The following PCDHA3 variants were observed in gnomAD, a reference collection of about 807,000 sequenced individuals.
PCDHA3 encodes protocadherin alpha 3.
In PCDHA3, 41 loss-of-function variants were observed where a neutral mutation model predicts 62.2. The ratio of observed to expected loss-of-function variants is 0.66; its 90% CI spans 0.51 to 0.86. PCDHA3 has a LOEUF of 0.86. Ranked by LOEUF, PCDHA3 falls within the 40% of genes least tolerant of loss-of-function variation. PCDHA3 has a pLI of 0.00. For synonymous variants in PCDHA3, 640 were observed against 555.4 expected, an observed-to-expected ratio of 1.15 and a Z score of -2.14; for missense variants, 1,304 against 1,241.2, an observed-to-expected ratio of 1.05 and a Z score of -0.76.
At chr5:140,917,287 G>A (rs190210744) in intron 1 of PCDHA3, among the ~76,000 whole-genome samples, 51 of 147,686 alleles carry the variant, frequency 3.5e-4, no homozygotes, top group Admixed American at 7.7e-4. Flanking sequence ...ACGCTTTTCC[G>A]TGTGCAGATA....
intron 1 of PCDHA3, chr5:140,866,669 T>C (rs571274167): frequency 6.6e-6 from 1 of 152,260 alleles, no homozygotes; most frequent in South Asian, 2.1e-4. Context: ...CAAGAAATAA[T>C]AGCACTAGGT....
chr5:140,879,989 C>T (rs1223310901), intron 1 of PCDHA3, among the ~76,000 whole-genome samples: 3 of 152,182 alleles, frequency 2.0e-5, no homozygotes, highest in African/African-American at 7.2e-5. Flanking sequence ...AGATCCTTAA[C>T]TTAATCATAT....
At chr5:140,838,260 C>A (rs1775624782) in intron 1 of PCDHA3, among the ~76,000 whole-genome samples, 1 of 147,458 alleles carries the variant, frequency 6.8e-6, no homozygotes, top group African/African-American at 2.5e-5. Context: ...ATTAAAGACG[C>A]CAACAACCAA....
intron 1 of PCDHA3, chr5:140,862,894 T>A (rs251369): frequency 0.66 from 367,469 of 559,470 alleles, 121,120 homozygotes; most frequent in Middle Eastern, 0.71. Flanking sequence ...AACGACAACT[T>A]TGTCTGCGCT....
At position 140,863,955 on chromosome 5, in the gene PCDHA3, T is replaced by C. The variant is rs181544244; in HGVS notation, c.2394+60364T>C. 570 of 158,126 alleles carry C rather than the reference T, an allele frequency of 3.6e-3. 3 individuals carry two copies. The highest frequency in any genetic ancestry group is 0.014 in the Middle Eastern group (4 of 294). The allele number at this position is 158,126 out of a possible 1,614,324, so 9.8% of individuals were successfully genotyped here. ...GGCAGAGGTTGCGGTGAGCCTAGAT[T>C]AGGCCACTGCACTACAGCCTGGGAG... is the stretch of plus-strand genomic sequence containing the variant. On this transcript the variant is annotated intron_variant, in intron 1 of 3. Coordinates refer to ENST00000522353, the MANE Select transcript of PCDHA3 (RefSeq NM_018906.3).
chr5:140,942,924 T>A (rs2093394309), intron 1 of PCDHA3, among the ~76,000 whole-genome samples: 1 of 151,518 alleles, frequency 6.6e-6, no homozygotes, highest in African/African-American at 2.4e-5. Context: ...AAAAAAAAAA[T>A]TGAAAAAGAG....
At chr5:140,929,390 T>C in intron 1 of PCDHA3, 1 of 1,511,570 alleles carries the variant, frequency 6.6e-7, no homozygotes, top group Non-Finnish European at 8.8e-7. Flanking sequence ...TGTTTTGAAA[T>C]ATTTCTTAGA....
chr5:140,808,702 G>A (rs1554124704), intron 1 of PCDHA3: 5 of 1,612,168 alleles, frequency 3.1e-6, no homozygotes, highest in Non-Finnish European at 3.4e-6. Flanking sequence ...GCGCGCTGTC[G>A]AGCTACGTTT....
Position 140,850,846 on chromosome 5 carries a change from A to G in PCDHA3, c.2394+47255A>G, listed in dbSNP as rs1183689960. 8 of 1,596,424 alleles carry G rather than the reference A, an allele frequency of 5.0e-6. 2 individuals carry two copies. Among genetic ancestry groups the G allele is most frequent in the Non-Finnish European group, 6.0e-6 (7 of 1,166,358 alleles). On this transcript the variant is annotated intron_variant, in intron 1 of 3. Coordinates refer to ENST00000522353, the MANE Select transcript of PCDHA3 (RefSeq NM_018906.3). ...CTTTCTCCTTGTGCTGGATCTACAG[A>G]GCGAACGGGAGAACCCTCTGCTTCC...
At chr5:140,890,223 G>C (rs1218987173) in intron 1 of PCDHA3, among the ~76,000 whole-genome samples, 3 of 152,108 alleles carry the variant, frequency 2.0e-5, no homozygotes, top group Non-Finnish European at 4.4e-5. Context: ...CAGAGACCTA[G>C]TTGTTAAGCA....
At chr5:140,984,157 C>G (rs1187103463) in intron 3 of PCDHA3, among the ~76,000 whole-genome samples, 1 of 152,228 alleles carries the variant, frequency 6.6e-6, no homozygotes, top group Non-Finnish European at 1.5e-5. Flanking sequence ...AAGGTGAGAA[C>G]TTCCCAAAGA....
chr5:140,822,587 G>A (rs2150117559), intron 1 of PCDHA3: 3 of 1,609,596 alleles, frequency 1.9e-6, no homozygotes, highest in Admixed American at 3.3e-5. Flanking sequence ...GCAGATGAGG[G>A]CATCAATAAG....
chr5:140,856,754 G>A (rs536378352), intron 1 of PCDHA3: 8 of 1,596,774 alleles, frequency 5.0e-6, no homozygotes, highest in African/African-American at 1.3e-5. Flanking sequence ...AGATGCCAAT[G>A]ATAACGCCCC....
chr5:140,921,345 A>C (rs1411062408), intron 1 of PCDHA3, among the ~76,000 whole-genome samples: 1 of 152,120 alleles, frequency 6.6e-6, no homozygotes, highest in African/African-American at 2.4e-5. Context: ...CACATAATAT[A>C]TTTGCCTATA....
At chr5:140,931,751 A>G (rs1393748704) in intron 1 of PCDHA3, among the ~76,000 whole-genome samples, 2 of 151,952 alleles carry the variant, frequency 1.3e-5, no homozygotes, top group African/African-American at 4.8e-5. Context: ...TCACAAAGGC[A>G]TTTGTTATTT....
At chr5:140,807,138 T>G in intron 1 of PCDHA3, 1 of 1,568,760 alleles carries the variant, frequency 6.4e-7, no homozygotes, top group South Asian at 1.2e-5. Flanking sequence ...AAGATTTCCC[T>G]TGACTTTGAG....
At chr5:140,888,624 C>T (rs2061910720) in intron 1 of PCDHA3, among the ~76,000 whole-genome samples, 1 of 152,198 alleles carries the variant, frequency 6.6e-6, no homozygotes, top group Non-Finnish European at 1.5e-5. Flanking sequence ...CTAATTCGGC[C>T]TTCTATTACA....
chr5:140,892,246 G>T lies in PCDHA3; in HGVS notation c.2395-86703G>T, dbSNP rs895446433. Among the ~76,000 whole-genome samples the T allele has an allele frequency of 5.9e-5, 9 of 152,166 alleles. No individual in the cohort carries two copies. In the East Asian group the frequency reaches 1.7e-3, roughly 29 times the overall value. Reference sequence around the variant, plus strand: ...GGTGTTTTGTCTCCACATAAACCTGGTTATCTTTGATTTTGTGCTGAAAGT... The same window carrying T: ...GGTGTTTTGTCTCCACATAAACCTGTTTATCTTTGATTTTGTGCTGAAAGT... On this transcript the variant is annotated intron_variant, in intron 1 of 3. Coordinates refer to ENST00000522353, the MANE Select transcript of PCDHA3 (RefSeq NM_018906.3).
chr5:140,968,370 A>T (rs1169551068), intron 1 of PCDHA3: 1 of 1,613,428 alleles, frequency 6.2e-7, no homozygotes, highest in African/African-American at 1.3e-5. Flanking sequence ...TATGCTGTCA[A>T]CTCCTTTGAC....
Sources: gnomAD v4.1 joint callset for allele counts (sites outside exome capture counted in the v4.1 genomes callset) on GRCh38, gnomAD v4.1.1 for gene constraint, MANE v1.5 for transcripts, NCBI Gene and HGNC (gene_info 2026-07-23, HGNC 2026-07-21) for gene names.